BABAM2: variants seen among roughly 807,000 people sequenced by gnomAD.
BABAM2 encodes BRISC and BRCA1 A complex member 2, also known as BRISC and BRCA1-A complex member 2.
A neutral mutation model predicts 54.7 loss-of-function variants in BABAM2; 31 were observed. That is an observed-to-expected ratio of 0.57 (90% confidence interval 0.43 to 0.77). BABAM2 has a LOEUF of 0.77. Among genes scored for constraint, BABAM2 ranks in the 30% least tolerant of loss-of-function variants. The pLI, the probability that BABAM2 is intolerant of heterozygous loss-of-function variation, is 0.00. For synonymous variants in BABAM2, 167 were observed against 162.9 expected (o/e 1.03, Z -0.19); for missense variants, 364 against 455.8 (o/e 0.80, Z 1.83).
chr2:28,246,504 C>T (rs1437285074), intron 10 of BABAM2, among the ~76,000 whole-genome samples: 1 of 152,146 alleles, frequency 6.6e-6, no homozygotes, highest in African/African-American at 2.4e-5. Flanking sequence ...CAAGAGGGAC[C>T]TGGGCCTTAC....
chr2:27,984,778 T>C (rs1254534705), intron 3 of BABAM2, among the ~76,000 whole-genome samples: 1 of 152,012 alleles, frequency 6.6e-6, no homozygotes, highest in Non-Finnish European at 1.5e-5. Flanking sequence ...ATTTCTGAGA[T>C]TTAGGTGCAC....
At chr2:28,012,622 A>G (rs1437873016) in intron 4 of BABAM2, among the ~76,000 whole-genome samples, 1 of 152,102 alleles carries the variant, frequency 6.6e-6, no homozygotes, top group Non-Finnish European at 1.5e-5. Flanking sequence ...GTTGTTAGTC[A>G]CTCTAGTACT....
chr2:27,924,604 GA>G (rs1380388261), intron 2 of BABAM2, among the ~76,000 whole-genome samples: 1 of 152,080 alleles, frequency 6.6e-6, no homozygotes, highest in Admixed American at 6.6e-5. Flanking sequence ...CGCTGGTCTT[GA>G]ACTCCTGACC....
chr2:27,960,057 G>GTGGATTAC (rs1670361132), intron 3 of BABAM2, among the ~76,000 whole-genome samples: 1 of 151,804 alleles, frequency 6.6e-6, no homozygotes, highest in African/African-American at 2.4e-5. Flanking sequence ...TTCATCTTCT[G>GTGGATTAC]TGGATTACTG....
At chr2:28,327,924 G>A (rs1690618266) in intron 11 of BABAM2, among the ~76,000 whole-genome samples, 1 of 152,174 alleles carries the variant, frequency 6.6e-6, no homozygotes, top group South Asian at 2.1e-4. Context: ...ACATGAACCA[G>A]TTACAAGCAC....
chr2:28,111,582 T>C (rs1469581643), intron 6 of BABAM2, among the ~76,000 whole-genome samples: 2 of 152,244 alleles, frequency 1.3e-5, no homozygotes, highest in Non-Finnish European at 2.9e-5. Flanking sequence ...TCCACTCTCC[T>C]AGACCAGTGA....
intron 7 of BABAM2, among the ~76,000 whole-genome samples, chr2:28,151,677 A>ATACT (rs5830062): frequency 0.7 from 106,974 of 151,746 alleles, 38,208 homozygotes; most frequent in Middle Eastern, 0.79. Context: ...CTAATTACTA[A>ATACT]TACAAGCATG....
chr2:28,112,778 G>A (rs1406901815), intron 6 of BABAM2, among the ~76,000 whole-genome samples: 2 of 152,096 alleles, frequency 1.3e-5, no homozygotes, highest in Non-Finnish European at 2.9e-5. Context: ...TTGAGGAATC[G>A]CCACACTGTC....
chr2:27,916,911 A>G (rs547799578), intron 2 of BABAM2, among the ~76,000 whole-genome samples: 6 of 151,312 alleles, frequency 4.0e-5, no homozygotes, highest in Admixed American at 3.9e-4. Flanking sequence ...TGTTATTTAA[A>G]TTGTGTTGTG....
chr2:27,998,473 G>A (rs1052491348), intron 4 of BABAM2, among the ~76,000 whole-genome samples: 1 of 147,940 alleles, frequency 6.8e-6, no homozygotes, highest in Non-Finnish European at 1.5e-5. Context: ...ACATTTTTCA[G>A]TTTTTTTTTT....
At chr2:28,161,935 CTT>C (rs926620370) in intron 7 of BABAM2, among the ~76,000 whole-genome samples, 7 of 152,106 alleles carry the variant, frequency 4.6e-5, no homozygotes, top group Non-Finnish European at 8.8e-5. Flanking sequence ...TTTGGACACT[CTT>C]TTGTTTGCTT....
intron 6 of BABAM2, among the ~76,000 whole-genome samples, chr2:28,112,024 T>C (rs139204409): frequency 5.9e-5 from 9 of 152,272 alleles, no homozygotes; most frequent in African/African-American, 1.9e-4. Flanking sequence ...CCAGAGCCTC[T>C]TTCCTCACCT....
intron 3 of BABAM2, 152 bp downstream of exon 3, chr2:27,930,060 T>C: frequency 1.5e-6 from 1 of 669,976 alleles, no homozygotes; most frequent in Non-Finnish European, 2.5e-6. Flanking sequence ...CATTCAATTC[T>C]AGTTTGATTA....
intron 7 of BABAM2, among the ~76,000 whole-genome samples, chr2:28,196,836 CTTTTTTT>C (rs759950166): frequency 0.021 from 827 of 40,228 alleles, 20 homozygotes; most frequent in African/African-American, 0.077. Context: ...GAGACCCTGT[CTTTTTTT>C]TTTTTTTTTT....
intron 7 of BABAM2, among the ~76,000 whole-genome samples, chr2:28,208,170 T>C (rs66489250): frequency 0.13 from 19,706 of 152,152 alleles, 1,564 homozygotes; most frequent in African/African-American, 0.22. Context: ...CTCCTGGTAC[T>C]GCTTTCTAGG....
chr2:28,066,061 A>C, intron 6 of BABAM2, among the ~76,000 whole-genome samples: 1 of 151,140 alleles, frequency 6.6e-6, no homozygotes. Context: ...CAGGAGGCCG[A>C]GGTAGGAGAA....
chr2:28,253,835 C>T (rs1381059357), intron 10 of BABAM2, among the ~76,000 whole-genome samples: 1 of 152,094 alleles, frequency 6.6e-6, no homozygotes, highest in East Asian at 1.9e-4. Flanking sequence ...CTGAAGACAA[C>T]GGGGCATTAA....
rs780995473 is a variant in BABAM2, at chr2:28,244,903, T to C, written c.934+41T>C. On this transcript the variant is annotated intron_variant, in intron 10 of 11. Transcript: ENST00000379624. Reference sequence around the variant, plus strand: ...CTGTCAGCATGTCAGCATACATTTTTAAATGTCCTAAACCACATGTAATAA... The same window carrying C: ...CTGTCAGCATGTCAGCATACATTTTCAAATGTCCTAAACCACATGTAATAA... The C allele has an allele frequency of 2.6e-6, 4 of 1,544,954 alleles. No individual in the cohort carries two copies. The African/African-American group carries it at 5.4e-5, about 21-fold the overall frequency.
intron 6 of BABAM2, among the ~76,000 whole-genome samples, chr2:28,126,848 G>A (rs1669589762): frequency 6.8e-6 from 1 of 147,904 alleles, no homozygotes; most frequent in Non-Finnish European, 1.5e-5. Flanking sequence ...ATTGGTGTGA[G>A]ATGGTATCTC....
Sources: gnomAD v4.1 joint callset for allele counts (sites outside exome capture counted in the v4.1 genomes callset) on GRCh38, gnomAD v4.1.1 for gene constraint, MANE v1.5 for transcripts, NCBI Gene and HGNC (gene_info 2026-07-23, HGNC 2026-07-21) for gene names.